Variants in ANK3 observed in about 807,000 individuals in gnomAD.
The protein encoded by ANK3 is ankyrin-3.
Under a neutral mutation model 370.9 loss-of-function variants are expected in ANK3, and 57 were observed. The observed-to-expected ratio is 0.15, with a 90% CI of 0.12 to 0.19. ANK3 has a LOEUF of 0.19. ANK3 is among the 10% of genes least tolerant of loss of function. The pLI, the probability that ANK3 is intolerant of heterozygous loss-of-function variation, is 1.00. For missense variants in ANK3, 4,439 were observed against 5,302.1 expected, an observed-to-expected ratio of 0.84 and a Z score of 5.06; for synonymous variants, 1,929 against 1,946.3, an observed-to-expected ratio of 0.99 and a Z score of 0.23.
At chr10:60,185,142 GA>G (rs1484367549) in intron 17 of ANK3, among the ~76,000 whole-genome samples, 2 of 151,846 alleles carry the variant, frequency 1.3e-5, no homozygotes, top group East Asian at 3.9e-4. Context: ...TGTTTAACAA[GA>G]AAAAAATAAA....
At chr10:60,481,739 C>CAGGCG (rs1367259118) in intron 2 of ANK3, among the ~76,000 whole-genome samples, 2 of 152,320 alleles carry the variant, frequency 1.3e-5, no homozygotes, top group African/African-American at 4.8e-5. Flanking sequence ...GCTGGGATTA[C>CAGGCG]AGGCGTGAGC....
At chr10:60,552,712 T>G (rs972126833) in intron 2 of ANK3, among the ~76,000 whole-genome samples, 1 of 152,172 alleles carries the variant, frequency 6.6e-6, no homozygotes, top group African/African-American at 2.4e-5. Flanking sequence ...AAAGCAGGTG[T>G]TCCTGCTTCC....
chr10:60,165,471 C>T (rs1438323274), intron 23 of ANK3, among the ~76,000 whole-genome samples: 1 of 152,176 alleles, frequency 6.6e-6, no homozygotes, highest in Admixed American at 6.5e-5. Flanking sequence ...TACAAACATT[C>T]AGCCAGATCC....
At chr10:60,129,161 A>G (rs933844463) in intron 25 of ANK3, among the ~76,000 whole-genome samples, 3 of 152,216 alleles carry the variant, frequency 2.0e-5, no homozygotes, top group Non-Finnish European at 2.9e-5. Flanking sequence ...TTGACATACC[A>G]ATACACACCA....
intron 31 of ANK3, 92 bp downstream of exon 31, chr10:60,085,065 T>A: frequency 9.9e-7 from 1 of 1,013,598 alleles, no homozygotes. Flanking sequence ...CTCACAACAA[T>A]TTTTTTTAGT....
At chr10:60,602,552 T>C (rs1166460102) in intron 2 of ANK3, among the ~76,000 whole-genome samples, 7 of 152,144 alleles carry the variant, frequency 4.6e-5, no homozygotes, top group Admixed American at 4.6e-4. Context: ...ATTTTAATAT[T>C]AAATTTTAGA....
chr10:60,523,221 C>T (rs2076389370), intron 2 of ANK3, among the ~76,000 whole-genome samples: 1 of 151,836 alleles, frequency 6.6e-6, no homozygotes, highest in Non-Finnish European at 1.5e-5. Flanking sequence ...CAGAGATACA[C>T]ATTTTTCTTT....
intron 28 of ANK3, among the ~76,000 whole-genome samples, chr10:60,089,317 G>C (rs770955440): frequency 1.3e-4 from 20 of 152,124 alleles, no homozygotes; most frequent in Non-Finnish European, 2.8e-4. Flanking sequence ...CTTAACAAAT[G>C]GTCAAAGTCC....
intron 1 of ANK3, among the ~76,000 whole-genome samples, chr10:60,635,449 C>T (rs2078541030): frequency 6.6e-6 from 1 of 152,098 alleles, no homozygotes; most frequent in Admixed American, 6.6e-5. Flanking sequence ...AGAAGTACAA[C>T]AACCAAGGGC....
chr10:60,182,667 A>G (rs1013522682), intron 17 of ANK3, among the ~76,000 whole-genome samples: 4 of 152,218 alleles, frequency 2.6e-5, no homozygotes, highest in African/African-American at 7.2e-5. Flanking sequence ...GGAAGAGCAC[A>G]GAGTCTTCTA....
At chr10:60,385,682 T>G (rs755022547) in intron 1 of ANK3, among the ~76,000 whole-genome samples, 58 of 152,222 alleles carry the variant, frequency 3.8e-4, no homozygotes, top group Non-Finnish European at 1.3e-4. Flanking sequence ...ATTGTCATTT[T>G]ATCCCAGTAT....
Position 60,076,297 on chromosome 10 carries a change from G to A in ANK3, c.4584C>T (p.Ser1528=). 1 of 1,614,100 alleles carries A rather than the reference G, an allele frequency of 6.2e-7. No individual in the cohort carries two copies. The highest frequency in any genetic ancestry group is 8.5e-7 in the Non-Finnish European group (1 of 1,179,976). ...KSGFTSLSSS[S]SNTPSASPLK... The stretch of plus-strand genomic sequence containing the variant: ...ACGGAGAAGCTGATGGCGTATTAGA[G>A]GAAGAACTTGATAAGGAAGTGAAGC... Residue 1528 remains serine (S), a synonymous_variant, in exon 37 of 44, where the codon TCC becomes TCT. Transcript: ENST00000280772.
intron 1 of ANK3, among the ~76,000 whole-genome samples, chr10:60,642,944 C>T (rs887795296): frequency 6.6e-6 from 1 of 151,980 alleles, no homozygotes; most frequent in South Asian, 2.1e-4. Context: ...TTAAAACATA[C>T]ACACACATAC....
chr10:60,342,843 C>T (rs988373999), intron 1 of ANK3, among the ~76,000 whole-genome samples: 1 of 152,106 alleles, frequency 6.6e-6, no homozygotes, highest in Admixed American at 6.5e-5. Context: ...GGTTCCATGA[C>T]CCAGTACATT....
At position 60,239,962 on chromosome 10, in the gene ANK3, T is replaced by C. The variant is rs187472191; in HGVS notation, c.799-5176A>G. ...AGATAAATTTTTATACATAAATATA[T>C]ATGCATTCTAAAATATATTGATCCA... On this transcript the variant is annotated intron_variant, in intron 7 of 43. Transcript: ENST00000280772. Among the ~76,000 whole-genome samples, 114 of 150,488 alleles carry C rather than the reference T, an allele frequency of 7.6e-4. 1 individual carries two copies. The highest frequency in any genetic ancestry group is 2.7e-3 in the African/African-American group (112 of 41,140).
rs1047550765 is a variant in ANK3 at position 60,331,480 on chromosome 10, A to T, written c.115-51841T>A. ...GAGTTAACAGACGACTTACTTTAAA[A>T]AATTTCGACAATGGGATTGATTAAA... is the stretch of plus-strand genomic sequence containing the variant. On this transcript the variant is annotated intron_variant, in intron 1 of 43. Transcript: ENST00000280772. Among the ~76,000 whole-genome samples, 6 of 152,254 alleles carry T rather than the reference A, an allele frequency of 3.9e-5. No individual in the cohort carries two copies. In the South Asian group the frequency reaches 1.2e-3, roughly 32 times the overall value.
rs548149827 is a variant in ANK3, at chr10:60,510,706, G to C, written c.96+104480C>G. ...ATGGTGGCAGATGCCTGTAATCCCAGCTACTCGGGAGGCTGAAACATGTGA... is the reference window on the plus strand; with the variant it reads ...ATGGTGGCAGATGCCTGTAATCCCACCTACTCGGGAGGCTGAAACATGTGA... On this transcript the variant is annotated intron_variant, in intron 2 of 43. Coordinates refer to the ANK3 transcript ENST00000373827. 2.6e-5 allele frequency among the ~76,000 whole-genome samples: 4 copies of C among 152,152 alleles called. No homozygotes were observed. The East Asian group carries it at 7.7e-4, about 29-fold the overall frequency.
At chr10:60,270,258 T>C in intron 4 of ANK3, 29 bp from the exon 5 acceptor site, 1 of 1,505,566 alleles carries the variant, frequency 6.6e-7, no homozygotes, top group South Asian at 1.2e-5. Flanking sequence ...AATGTTTGTC[T>C]GCAGCTTTCC....
intron 5 of ANK3, among the ~76,000 whole-genome samples, chr10:60,269,396 A>G (rs1257144320): frequency 6.6e-6 from 1 of 152,258 alleles, no homozygotes; most frequent in East Asian, 1.9e-4. Flanking sequence ...TTGTAATCCC[A>G]GCACTTTGAG....
Sources: allele counts gnomAD v4.1 joint callset (sites outside exome capture counted in the v4.1 genomes callset), GRCh38; gene constraint gnomAD v4.1.1; transcripts MANE v1.5; gene names NCBI Gene and HGNC (gene_info 2026-07-23, HGNC 2026-07-21).